KIAA0319L: variants seen among roughly 807,000 people sequenced by gnomAD.
KIAA0319L encodes KIAA0319 like.
A neutral mutation model predicts 120.1 loss-of-function variants in KIAA0319L; 55 were observed. The ratio of observed to expected loss-of-function variants is 0.46; its 90% CI spans 0.37 to 0.57. KIAA0319L has a LOEUF of 0.57. KIAA0319L is among the 20% of genes least tolerant of loss of function. The pLI is 0.00. For missense variants in KIAA0319L, 1,049 were observed against 1,255.3 expected, an observed-to-expected ratio of 0.84 and a Z score of 2.48; for synonymous variants, 398 against 471.9, an observed-to-expected ratio of 0.84 and a Z score of 2.03.
intron 2 of KIAA0319L, among the ~76,000 whole-genome samples, chr1:35,542,238 T>C (rs1012812486): frequency 4.6e-5 from 7 of 152,374 alleles, no homozygotes; most frequent in Non-Finnish European, 7.3e-5. Context: ...TTTTATTTAA[T>C]ACTCACAATC....
At chr1:35,553,700 CAAAAGAACTTGAAAGAAA>C (rs1333288598) in intron 2 of KIAA0319L, among the ~76,000 whole-genome samples, 1 of 128,538 alleles carries the variant, frequency 7.8e-6, no homozygotes, top group East Asian at 2.4e-4. Flanking sequence ...ACAATATCAA[CAAAAGAACTTGAAAGAAA>C]GAAAGAAAGA....
At chr1:35,529,793 T>C (rs947683113) in intron 2 of KIAA0319L, among the ~76,000 whole-genome samples, 2 of 150,402 alleles carry the variant, frequency 1.3e-5, no homozygotes, top group African/African-American at 5.0e-5. Flanking sequence ...GAGATCTTTG[T>C]GGGTTGTATC....
chr1:35,461,295 C>T (rs758727018), intron 8 of KIAA0319L, among the ~76,000 whole-genome samples: 5 of 152,014 alleles, frequency 3.3e-5, no homozygotes, highest in Non-Finnish European at 7.4e-5. Context: ...GGACAAACCC[C>T]GTCTCTATTA....
intron 2 of KIAA0319L, among the ~76,000 whole-genome samples, chr1:35,545,220 A>AG (rs752048697): frequency 6.6e-6 from 1 of 152,082 alleles, no homozygotes; most frequent in Non-Finnish European, 1.5e-5. Flanking sequence ...AGTGCCCTCT[A>AG]GGGGGGCAAG....
At chr1:35,532,706 T>C (rs1476846446) in intron 2 of KIAA0319L, among the ~76,000 whole-genome samples, 1 of 152,218 alleles carries the variant, frequency 6.6e-6, no homozygotes, top group Non-Finnish European at 1.5e-5. Flanking sequence ...ACCCTGGCTC[T>C]GCTCCCAGGG....
intron 1 of KIAA0319L, 72 bp from the exon 2 acceptor site, chr1:35,554,591 A>G: frequency 9.0e-7 from 1 of 1,116,662 alleles, no homozygotes; most frequent in Non-Finnish European, 1.3e-6. Flanking sequence ...GTGGAATGCT[A>G]GAAAATATGA....
chr1:35,480,437 C>T (rs552744785), intron 3 of KIAA0319L, among the ~76,000 whole-genome samples: 16 of 152,200 alleles, frequency 1.1e-4, no homozygotes, highest in African/African-American at 3.6e-4. Flanking sequence ...TGCTTTCATC[C>T]AAATGAGAAA....
In KIAA0319L at chr1:35,526,343, G is replaced by A. The variant is rs536452190; in HGVS notation, c.143-19208C>T. Among the ~76,000 whole-genome samples the A allele has an allele frequency of 4.3e-5, 6 of 140,830 alleles. No individual in the cohort carries two copies. In the South Asian group the frequency reaches 1.3e-3, roughly 32 times the overall value. 92.4% of individuals were successfully genotyped at this position (140,830 alleles called of 152,430 possible). ...TGTATGTGTGTGTATATGTATATAT[G>A]TACGTGTGTGTGTGTATATATATAC... On this transcript the variant is annotated intron_variant, in intron 2 of 20. Transcript: ENST00000325722.
intron 2 of KIAA0319L, among the ~76,000 whole-genome samples, chr1:35,545,563 T>C (rs1311454889): frequency 6.6e-6 from 1 of 152,186 alleles, no homozygotes; most frequent in Non-Finnish European, 1.5e-5. Flanking sequence ...TGGAGCCCTC[T>C]ACACAGAAAT....
intron 3 of KIAA0319L, among the ~76,000 whole-genome samples, chr1:35,482,104 G>A (rs1213491548): frequency 3.3e-5 from 5 of 151,980 alleles, no homozygotes; most frequent in African/African-American, 4.8e-5. Context: ...GATTACAGGC[G>A]TGAGCCACCA....
intron 2 of KIAA0319L, among the ~76,000 whole-genome samples, chr1:35,530,047 T>A (rs1382985399): frequency 6.6e-6 from 1 of 151,758 alleles, no homozygotes; most frequent in Non-Finnish European, 1.5e-5. Context: ...TCTGAAATTA[T>A]TTTTTTTGGA....
intron 7 of KIAA0319L, among the ~76,000 whole-genome samples, chr1:35,464,777 C>T (rs1047151913): frequency 6.6e-6 from 1 of 152,170 alleles, no homozygotes; most frequent in Non-Finnish European, 1.5e-5. Flanking sequence ...GTGGGCCAGG[C>T]CCAGGTTCTC....
intron 2 of KIAA0319L, among the ~76,000 whole-genome samples, chr1:35,523,935 G>T (rs1012842561): frequency 6.6e-6 from 1 of 152,180 alleles, no homozygotes; most frequent in Non-Finnish European, 1.5e-5. Flanking sequence ...AAGTGCAAGT[G>T]AGTCAAAAAG....
chr1:35,495,264 T>C (rs1644756881), intron 3 of KIAA0319L, among the ~76,000 whole-genome samples: 1 of 152,066 alleles, frequency 6.6e-6, no homozygotes, highest in South Asian at 2.1e-4. Context: ...TCCCAGCTAC[T>C]TGGGAGGGTG....
At chr1:35,481,952 G>C in intron 3 of KIAA0319L, among the ~76,000 whole-genome samples, 1 of 149,576 alleles carries the variant, frequency 6.7e-6, no homozygotes, top group East Asian at 2.0e-4. Flanking sequence ...AGCCTCCTGA[G>C]TAGCTGGGAC....
chr1:35,551,877 G>A (rs1420239520), intron 2 of KIAA0319L, among the ~76,000 whole-genome samples: 1 of 152,098 alleles, frequency 6.6e-6, no homozygotes, highest in African/African-American at 2.4e-5. Context: ...TTAGGGTGCT[G>A]TTTTTAAGCA....
intron 2 of KIAA0319L, among the ~76,000 whole-genome samples, chr1:35,543,676 C>T (rs988722262): frequency 1.3e-5 from 2 of 152,152 alleles, no homozygotes; most frequent in African/African-American, 4.8e-5. Flanking sequence ...TTTTTCCTGC[C>T]AGGGACACTT....
chr1:35,473,080 C>CTTTTTTT (rs962861379), intron 5 of KIAA0319L, among the ~76,000 whole-genome samples: 21 of 90,482 alleles, frequency 2.3e-4, no homozygotes, highest in African/African-American at 9.8e-4. Context: ...TGCGCCCAGC[C>CTTTTTTT]TTTTTTTTTT....
At chr1:35,440,427 T>A (rs1236895011) in intron 20 of KIAA0319L, 1 of 153,216 alleles carries the variant, frequency 6.5e-6, no homozygotes, top group East Asian at 1.9e-4. Flanking sequence ...ATGATACCTG[T>A]CCCATGGCAT....
Sources: allele counts gnomAD v4.1 joint callset (sites outside exome capture counted in the v4.1 genomes callset), GRCh38; gene constraint gnomAD v4.1.1; transcripts MANE v1.5; gene names NCBI Gene and HGNC (gene_info 2026-07-23, HGNC 2026-07-21).